Variants in FABP3 observed in about 807,000 individuals in gnomAD.
The protein encoded by FABP3 is fatty acid-binding protein, heart.
FABP3 carries 8 observed loss-of-function variants against 13.4 expected under a neutral mutation model. That is an observed-to-expected ratio of 0.60 (90% CI 0.35 to 1.07). The LOEUF is 1.07. Ranked by LOEUF, FABP3 falls within the 50% of genes least tolerant of loss-of-function variation. FABP3 has a pLI of 0.02. For missense variants in FABP3, 135 were observed against 164.7 expected, an observed-to-expected ratio of 0.82 and a Z score of 0.99; for synonymous variants, 64 against 60.0, an observed-to-expected ratio of 1.07 and a Z score of -0.31.
chr1:31,365,993 G>T, intron 3 of FABP3, 54 bp from the exon 4 acceptor site: 1 of 1,502,908 alleles, frequency 6.7e-7, no homozygotes, highest in Non-Finnish European at 9.2e-7. Context: ...ACCATTGCGA[G>T]CATTCTACCC....
the FABP3 span, among the ~76,000 whole-genome samples, chr1:31,360,164 C>CGTGTT: frequency 1.0e-4 from 14 of 138,704 alleles, no homozygotes; most frequent in African/African-American, 4.1e-4. Context: ...TTTGTGTGTG[C>CGTGTT]GTGTTTTGTT....
intron 2 of FABP3, 36 bp downstream of exon 2, chr1:31,369,349 C>A: frequency 6.2e-7 from 1 of 1,605,650 alleles, no homozygotes; most frequent in Non-Finnish European, 8.5e-7. Flanking sequence ...AGAGTCTCAG[C>A]ACTCTCCATT....
chr1:31,367,275 A>T (rs1640130389), intron 3 of FABP3, 118 bp downstream of exon 3: 3 of 840,918 alleles, frequency 3.6e-6, no homozygotes, highest in Non-Finnish European at 6.1e-6. Flanking sequence ...ACCCACAACC[A>T]CTCTCTTGTC....
downstream of FABP3, among the ~76,000 whole-genome samples, chr1:31,361,068 C>T (rs1046483347): frequency 2.9e-4 from 44 of 152,338 alleles, no homozygotes; most frequent in African/African-American, 9.9e-4. Context: ...CAGTGAGGCT[C>T]CTGACCCCAT....
downstream of FABP3, chr1:31,364,887 G>C (rs2148492534): frequency 6.6e-6 from 1 of 152,324 alleles, no homozygotes; most frequent in East Asian, 1.9e-4. Context: ...TTCTACTTCA[G>C]GTCCTTGCTT....
intron 3 of FABP3, 121 bp downstream of exon 3, chr1:31,367,272 A>G (rs1042872621): frequency 2.4e-6 from 2 of 830,072 alleles, no homozygotes; most frequent in Non-Finnish European, 2.1e-6. Flanking sequence ...CTGACCCACA[A>G]CCACTCTCTT....
chr1:31,364,614 A>G (rs1282888991), downstream of FABP3: 2 of 164,872 alleles, frequency 1.2e-5, no homozygotes, highest in Admixed American at 6.0e-5. Context: ...TCCTGGGCCA[A>G]CTGGTGGGTG....
At position 31,372,825 on chromosome 1, in the gene FABP3, C is replaced by T. The variant is rs866632191; in HGVS notation, c.73+117G>A. Reference sequence around the variant, plus strand: ...CTGCTCTAGGCCAGGCTGCCATCTCCGCGCTCCCCTATTCCCCAGTCTTAA... The same window carrying T: ...CTGCTCTAGGCCAGGCTGCCATCTCTGCGCTCCCCTATTCCCCAGTCTTAA... On this transcript the variant is annotated intron_variant, in intron 1 of 3. Transcript: ENST00000373713. The T allele has an allele frequency of 2.2e-5, 22 of 1,006,154 alleles. No homozygotes were observed. The African/African-American group carries it at 2.2e-4, about 10-fold the overall frequency. 62.3% of individuals were successfully genotyped at this position (1,006,154 alleles called of 1,614,324 possible).
intron 3 of FABP3, 77 bp from the exon 4 acceptor site, chr1:31,366,016 G>T: frequency 7.7e-7 from 1 of 1,292,340 alleles, no homozygotes; most frequent in South Asian, 1.2e-5. Flanking sequence ...CCTTCCTCCT[G>T]ATAATTGTCA....
intron 2 of FABP3, 68 bp from the exon 3 acceptor site, chr1:31,367,562 G>T: frequency 2.2e-6 from 3 of 1,346,310 alleles, no homozygotes; most frequent in East Asian, 4.6e-5. Flanking sequence ...GTGGGGTCTG[G>T]ACACTGGGCC....
intron 1 of FABP3, 112 bp from the exon 2 acceptor site, chr1:31,369,669 T>G: frequency 1.0e-6 from 1 of 967,166 alleles, no homozygotes; most frequent in Non-Finnish European, 1.5e-6. Context: ...GGACTGTATC[T>G]TTCAAAGCCT....
downstream of FABP3, among the ~76,000 whole-genome samples, chr1:31,360,882 G>A (rs1277363284): frequency 6.6e-6 from 1 of 152,142 alleles, no homozygotes; most frequent in Admixed American, 6.5e-5. Context: ...GACTATTATT[G>A]TAAGATAAGG....
At chr1:31,366,448 A>G (rs1479526534) in intron 3 of FABP3, among the ~76,000 whole-genome samples, 2 of 152,168 alleles carry the variant, frequency 1.3e-5, no homozygotes, top group Non-Finnish European at 2.9e-5. Flanking sequence ...TGGCCTCACC[A>G]TAGTTCAGCT....
At chr1:31,368,614 C>T (rs1640151376) in intron 2 of FABP3, among the ~76,000 whole-genome samples, 1 of 152,160 alleles carries the variant, frequency 6.6e-6, no homozygotes, top group Non-Finnish European at 1.5e-5. Context: ...CATGATAGAA[C>T]ACTGCTATAG....
At chr1:31,363,341 G>A (rs887293675), downstream of FABP3, among the ~76,000 whole-genome samples, 8 of 151,928 alleles carry the variant, frequency 5.3e-5, no homozygotes, top group Admixed American at 3.3e-4. Flanking sequence ...CTGCCACCAC[G>A]CCTGGCTAAT....
At chr1:31,371,420 G>A (rs1640206238) in intron 1 of FABP3, among the ~76,000 whole-genome samples, 1 of 152,208 alleles carries the variant, frequency 6.6e-6, no homozygotes, top group African/African-American at 2.4e-5. Context: ...AGAATATTGA[G>A]CTGACAGAAT....
chr1:31,367,444 G>T lies in FABP3; in HGVS notation c.297C>A (p.Asp99Glu), dbSNP rs112010219. 2 of 1,614,186 alleles carry T rather than the reference G, an allele frequency of 1.2e-6. No individual in the cohort carries two copies. Among genetic ancestry groups the T allele is most frequent in the Non-Finnish European group, 8.5e-7 (1 of 1,180,030 alleles). Residue 99 changes from aspartate (D) to glutamate (E), a missense_variant, in exon 3 of 4, where the codon GAC becomes GAA. Coordinates refer to ENST00000373713, the MANE Select transcript of FABP3 (RefSeq NM_004102.5). The stretch of plus-strand genomic sequence containing the variant: ...CCCGCACAAGTGTGGTCTCTTGCCC[G>T]TCCCATTTCTGCAGGTGAACAAGTT... ...GGKLVHLQKW[D>E]GQETTLVREL...
At chr1:31,371,406 A>G (rs539328321) in intron 1 of FABP3, among the ~76,000 whole-genome samples, 2 of 152,350 alleles carry the variant, frequency 1.3e-5, no homozygotes, top group Admixed American at 1.3e-4. Flanking sequence ...ACCAAGAGAA[A>G]CTAAGAATAT....
intron 1 of FABP3, among the ~76,000 whole-genome samples, chr1:31,369,997 C>T (rs1640178750): frequency 3.3e-5 from 5 of 150,850 alleles, no homozygotes. Context: ...CCCAGCTACT[C>T]AGGAGGCTGA....
Sources: gnomAD v4.1 joint callset for allele counts (sites outside exome capture counted in the v4.1 genomes callset) on GRCh38, gnomAD v4.1.1 for gene constraint, MANE v1.5 for transcripts, NCBI Gene and HGNC (gene_info 2026-07-23, HGNC 2026-07-21) for gene names.